Variants in PRICKLE1 observed in about 807,000 individuals in gnomAD.
The protein encoded by PRICKLE1 is prickle-like protein 1.
Under a neutral mutation model 70.2 loss-of-function variants are expected in PRICKLE1, and 14 were observed. The ratio of observed to expected loss-of-function variants is 0.20; its 90% CI spans 0.13 to 0.31. The LOEUF is 0.31. PRICKLE1 is among the 10% of genes least tolerant of loss of function. PRICKLE1 has a pLI of 1.00. For synonymous variants in PRICKLE1, 357 were observed against 379.9 expected, an observed-to-expected ratio of 0.94 and a Z score of 0.70; for missense variants, 821 against 1,026.2, an observed-to-expected ratio of 0.80 and a Z score of 2.73.
chr12:42,510,619 G>T (rs1034206288), intron 1 of PRICKLE1, among the ~76,000 whole-genome samples: 2 of 151,954 alleles, frequency 1.3e-5, no homozygotes, highest in African/African-American at 2.4e-5. Flanking sequence ...GCTTTCATTT[G>T]TATTTTATTC....
At position 42,459,010 on chromosome 12, in the gene PRICKLE1, G is replaced by A. The variant is rs1348816047; in HGVS notation, c.*799C>T. On this transcript the variant is annotated 3_prime_UTR_variant, in exon 8 of 8. Transcript: ENST00000345127. ...AAAAAAGTTGAATTTTCCATCACTAGGCAATGTAAATTTGACCATCTACAT... is the reference window on the plus strand; with the variant it reads ...AAAAAAGTTGAATTTTCCATCACTAAGCAATGTAAATTTGACCATCTACAT... The A allele has an allele frequency of 3.0e-6, 1 of 332,566 alleles. No homozygotes were observed. The highest frequency in any genetic ancestry group is 5.5e-6 in the Non-Finnish European group (1 of 181,532). The allele number at this position is 332,566 out of a possible 1,614,324, so 20.6% of individuals were successfully genotyped here. A position where few individuals can be genotyped will look rare whatever the true frequency, so the allele number is the denominator to read the frequency against.
At chr12:42,569,803 T>C (rs1410706121) in intron 1 of PRICKLE1, among the ~76,000 whole-genome samples, 1 of 152,186 alleles carries the variant, frequency 6.6e-6, no homozygotes, top group African/African-American at 2.4e-5. Context: ...ACTTCACCAG[T>C]CTTCATGTTT....
At position 42,464,554 on chromosome 12, in the gene PRICKLE1, T is replaced by C; in HGVS notation, c.1480A>G (p.Ser494Gly). The change falls in exon 7 of 8, where the codon AGT becomes GGT. Residue 494 changes from serine to glycine, a missense_variant. Physicochemically the swap from Ser to Gly is moderately conservative, Grantham distance 56. Transcript: ENST00000345127. The surrounding 1 kb of genome is among the most constrained non-coding windows in gnomAD (Gnocchi z 4.2). The part of the protein sequence containing the change: ...AYGSHPGPAS[S>G]RRLQELELDH... ...AGTTCCAATTCCTGAAGCCTTCTACTGCTTGCAGGGCCTGGGTGGCTGCCA... is the reference window on the plus strand; with the variant it reads ...AGTTCCAATTCCTGAAGCCTTCTACCGCTTGCAGGGCCTGGGTGGCTGCCA... 2 of 1,613,992 alleles carry C rather than the reference T, an allele frequency of 1.2e-6. No individual in the cohort carries two copies. Among genetic ancestry groups the C allele is most frequent in the South Asian group, 2.2e-5 (2 of 91,078 alleles).
intron 1 of PRICKLE1, among the ~76,000 whole-genome samples, chr12:42,514,212 T>TTAA (rs1019919259): frequency 3.4e-4 from 52 of 152,270 alleles, no homozygotes; most frequent in African/African-American, 1.1e-3. Context: ...TCATGAAACA[T>TTAA]TAATGAGCTA....
chr12:42,543,919 G>A (rs1236583456), intron 1 of PRICKLE1, among the ~76,000 whole-genome samples: 1 of 152,194 alleles, frequency 6.6e-6, no homozygotes, highest in Non-Finnish European at 1.5e-5. Context: ...ATTATATACT[G>A]TATTTTTACA....
At chr12:42,583,655 T>C (rs577853527) in intron 1 of PRICKLE1, among the ~76,000 whole-genome samples, 24 of 152,340 alleles carry the variant, frequency 1.6e-4, no homozygotes, top group African/African-American at 5.1e-4. Context: ...ACATGAAACA[T>C]GGCATTTACA....
intron 1 of PRICKLE1, among the ~76,000 whole-genome samples, chr12:42,558,268 C>T (rs902242829): frequency 4.6e-5 from 7 of 152,086 alleles, no homozygotes; most frequent in East Asian, 1.9e-4. Context: ...TTCGTGCTAC[C>T]GTAATTCAAA....
intron 1 of PRICKLE1, among the ~76,000 whole-genome samples, chr12:42,528,568 C>T (rs77965046): frequency 0.075 from 11,476 of 152,156 alleles, 670 homozygotes; most frequent in Admixed American, 0.17. Flanking sequence ...AACATTATTG[C>T]TTTAAAAATA....
chr12:42,460,513 G>C lies in PRICKLE1; in HGVS notation c.1792C>G (p.Leu598Val). 1 of 1,613,948 alleles carries C rather than the reference G, an allele frequency of 6.2e-7. No homozygotes were observed. The highest frequency in any genetic ancestry group is 8.5e-7 in the Non-Finnish European group (1 of 1,179,852). ...TTCTCTGGACACAACTCTGAACTTA[G>C]ACTCTTTAAGGACTCTGCACTCCTG... is the stretch of plus-strand genomic sequence containing the variant. ...LHRSAESLKS[L>V]SSELCPEKIL... Residue 598 changes from leucine to valine, a missense_variant, in exon 8 of 8, where the codon CTA (leucine) becomes GTA (valine). Transcript: ENST00000345127.
intron 1 of PRICKLE1, among the ~76,000 whole-genome samples, chr12:42,579,776 T>G (rs559753846): frequency 2.0e-5 from 3 of 152,098 alleles, no homozygotes; most frequent in African/African-American, 4.8e-5. Flanking sequence ...AAAACAATAA[T>G]AAAACCTCCC....
At chr12:42,497,900 G>C (rs1026273208) in intron 1 of PRICKLE1, among the ~76,000 whole-genome samples, 9 of 152,038 alleles carry the variant, frequency 5.9e-5, no homozygotes, top group Non-Finnish European at 1.2e-4. Flanking sequence ...CCCCACCCTG[G>C]ACACGACCGC....
At chr12:42,546,689 G>A (rs1239447651) in intron 1 of PRICKLE1, among the ~76,000 whole-genome samples, 3 of 152,156 alleles carry the variant, frequency 2.0e-5, no homozygotes, top group African/African-American at 7.2e-5. Flanking sequence ...CAGAGGTGGT[G>A]GTTGCAGTGA....
intron 1 of PRICKLE1, among the ~76,000 whole-genome samples, chr12:42,511,058 G>C (rs1487053669): frequency 1.3e-5 from 2 of 152,212 alleles, no homozygotes; most frequent in African/African-American, 2.4e-5. Flanking sequence ...GGGATGCCCT[G>C]GGTGTGCCCC....
intron 2 of PRICKLE1, among the ~76,000 whole-genome samples, chr12:42,471,411 C>G (rs139871003): frequency 7.1e-4 from 108 of 152,274 alleles, no homozygotes; most frequent in African/African-American, 2.6e-3. Flanking sequence ...TAGTACCACA[C>G]AAAACCTACC....
At chr12:42,507,599 G>A (rs1483671459) in intron 1 of PRICKLE1, among the ~76,000 whole-genome samples, 1 of 151,712 alleles carries the variant, frequency 6.6e-6, no homozygotes, top group Non-Finnish European at 1.5e-5. Context: ...ACTTTTTTTT[G>A]AGCTGTTATG....
At chr12:42,478,850 C>A (rs1273013928) in intron 1 of PRICKLE1, among the ~76,000 whole-genome samples, 1 of 151,780 alleles carries the variant, frequency 6.6e-6, no homozygotes, top group Non-Finnish European at 1.5e-5. Flanking sequence ...AGTTAAATAG[C>A]TATTTCTCAT....
chr12:42,555,458 C>T (rs2120675368), intron 1 of PRICKLE1, among the ~76,000 whole-genome samples: 1 of 152,270 alleles, frequency 6.6e-6, no homozygotes, highest in South Asian at 2.1e-4. Context: ...ATCAGTTTAG[C>T]AATGTTTCTT....
intron 1 of PRICKLE1, among the ~76,000 whole-genome samples, chr12:42,490,363 C>T (rs1233721162): frequency 6.6e-6 from 1 of 152,164 alleles, no homozygotes; most frequent in East Asian, 1.9e-4. Context: ...AGCTGGAACA[C>T]AGGAGGGAGA....
intron 1 of PRICKLE1, among the ~76,000 whole-genome samples, chr12:42,517,305 C>CTTT (rs1320622126): frequency 2.2e-4 from 14 of 64,958 alleles, no homozygotes; most frequent in African/African-American, 6.5e-4. Context: ...CTCAGTCTGC[C>CTTT]ATTTTTTTTT....
Sources: gnomAD v4.1 joint callset for allele counts (sites outside exome capture counted in the v4.1 genomes callset) on GRCh38, gnomAD v4.1.1 for gene constraint, Gnocchi (gnomAD v3.1) non-coding constraint, MANE v1.5 for transcripts, NCBI Gene and HGNC (gene_info 2026-07-23, HGNC 2026-07-21) for gene names.